The following GSAP variants were observed in gnomAD, a reference collection of about 807,000 sequenced individuals.
The protein encoded by GSAP is gamma-secretase-activating protein.
GSAP carries 118 observed loss-of-function variants against 131.7 expected under a neutral mutation model. That is an observed-to-expected ratio of 0.90 (90% confidence interval 0.77 to 1.04). The LOEUF is 1.04. Ranked by LOEUF, GSAP falls within the 50% of genes least tolerant of loss-of-function variation. The pLI is 0.00. For missense variants in GSAP, 1,019 were observed against 1,013.2 expected (o/e 1.01, Z -0.08); for synonymous variants, 381 against 363.4 (o/e 1.05, Z -0.55).
intron 1 of GSAP, among the ~76,000 whole-genome samples, chr7:77,414,711 C>G (rs1331728875): frequency 2.2e-4 from 33 of 152,164 alleles, no homozygotes. Context: ...TCTAACTTCT[C>G]ATTTGCAGAC....
At chr7:77,411,944 C>T (rs1356454272) in intron 1 of GSAP, among the ~76,000 whole-genome samples, 6 of 152,088 alleles carry the variant, frequency 3.9e-5, no homozygotes, top group Non-Finnish European at 8.8e-5. Context: ...TTTGGGAGGC[C>T]GAGGTAGGCC....
intron 12 of GSAP, among the ~76,000 whole-genome samples, chr7:77,367,843 G>A (rs888917023): frequency 2.0e-5 from 3 of 151,968 alleles, no homozygotes; most frequent in African/African-American, 4.8e-5. Flanking sequence ...AGCTTTTTTC[G>A]GTTGGTAGGT....
intron 6 of GSAP, among the ~76,000 whole-genome samples, chr7:77,386,665 T>C (rs1798616035): frequency 6.6e-6 from 1 of 152,164 alleles, no homozygotes; most frequent in African/African-American, 2.4e-5. Context: ...GCGCTATTCC[T>C]GGAAGCCGTT....
intron 5 of GSAP, among the ~76,000 whole-genome samples, chr7:77,390,733 C>T (rs1245887555): frequency 6.6e-6 from 1 of 151,208 alleles, no homozygotes; most frequent in African/African-American, 2.4e-5. Context: ...TGCACATGTA[C>T]CCTAAAACTT....
chr7:77,359,853 C>A (rs961148783), intron 14 of GSAP, among the ~76,000 whole-genome samples: 1 of 152,164 alleles, frequency 6.6e-6, no homozygotes, highest in African/African-American at 2.4e-5. Flanking sequence ...TAAAGCATTG[C>A]TGATAAGAAT....
In GSAP at chr7:77,320,566, G is replaced by A. The variant is rs774849403; in HGVS notation, c.2089+159C>T. Among the ~76,000 whole-genome samples the A allele has an allele frequency of 5.3e-5, 8 of 152,262 alleles. No individual in the cohort carries two copies. In the East Asian group the frequency reaches 9.6e-4, roughly 18 times the overall value. ...TTAGTAGTCAGAGGAGCTCTGGTCA[G>A]CAGAGACCAACCTAAGGGCCCATCA... On this transcript the variant is annotated intron_variant, in intron 26 of 30. Coordinates refer to ENST00000257626, the MANE Select transcript of GSAP (RefSeq NM_017439.4).
chr7:77,367,709 G>T (rs989461227), intron 12 of GSAP, among the ~76,000 whole-genome samples: 22 of 152,138 alleles, frequency 1.4e-4, no homozygotes, highest in Admixed American at 1.4e-3. Context: ...GATGATGCTG[G>T]CCTCATAGAA....
At position 77,314,508 on chromosome 7, in the gene GSAP, AG is replaced by A. The variant is rs2150583785; in HGVS notation, c.2090-20del. The A allele has an allele frequency of 6.2e-7, 1 of 1,613,176 alleles. No homozygotes were observed. Among genetic ancestry groups the A allele is most frequent in the African/African-American group, 1.3e-5 (1 of 74,984 alleles). On this transcript the variant is annotated intron_variant, in intron 26 of 30. Transcript: ENST00000257626. ...TGAAAACCTAGGATGAGAGATCTGG[AG>A]GGTAAACACAGTCAGCCAACATCTC... is the stretch of plus-strand genomic sequence containing the variant.
rs1291820120 is a variant in GSAP, at chr7:77,404,543, A to C, written c.243+16T>G. 7.2e-7 allele frequency: 1 copy of C among 1,384,532 alleles called. No individual in the cohort carries two copies. The highest frequency in any genetic ancestry group is 1.0e-6 in the Non-Finnish European group (1 of 974,108). 85.8% of individuals were successfully genotyped at this position (1,384,532 alleles called of 1,614,324 possible). A position where few individuals can be genotyped will look rare whatever the true frequency, so the allele number is the denominator to read the frequency against. ...AAAGGCAGTAAAGTAACCAATGAGT[A>C]ATCTATGATTTTTACCTCATTTTGT... On this transcript the variant is annotated intron_variant, in intron 3 of 30. Transcript: ENST00000257626.
intron 18 of GSAP, among the ~76,000 whole-genome samples, chr7:77,351,938 T>C (rs1792919562): frequency 6.6e-6 from 1 of 152,172 alleles, no homozygotes; most frequent in African/African-American, 2.4e-5. Flanking sequence ...TGCATGTCTA[T>C]TCACATGTGT....
intron 5 of GSAP, among the ~76,000 whole-genome samples, chr7:77,390,948 A>AG: frequency 1.8e-5 from 1 of 54,604 alleles, no homozygotes. Flanking sequence ...ACTCCGTCTA[A>AG]AAAAAAAAAA....
At chr7:77,390,668 G>A (rs1035797012) in intron 5 of GSAP, among the ~76,000 whole-genome samples, 2 of 151,930 alleles carry the variant, frequency 1.3e-5, no homozygotes, top group African/African-American at 4.8e-5. Context: ...ACGAGTTAAT[G>A]GGTGCAGCAC....
chr7:77,371,381 A>G (rs1796089866), intron 12 of GSAP, among the ~76,000 whole-genome samples: 2 of 151,316 alleles, frequency 1.3e-5, no homozygotes, highest in African/African-American at 4.9e-5. Flanking sequence ...TTAACTGCTC[A>G]TCTTCCCACT....
chr7:77,329,342 T>C lies in GSAP; in HGVS notation c.1724A>G (p.Asn575Ser). 1.3e-6 allele frequency: 2 copies of C among 1,569,738 alleles called. No homozygotes were observed. The highest frequency in any genetic ancestry group is 1.7e-6 in the Non-Finnish European group (2 of 1,151,502). The change falls in exon 21 of 31, where the codon AAT becomes AGT. Residue 575 changes from asparagine to serine, a missense_variant. Asn to Ser is a conservative substitution (Grantham distance 46). Transcript: ENST00000257626. ...CTCTGCTTTCACTTACTTTACTGCA[T>C]TATCAAGAATATTCCTCACGTATGC... ...SAAYVRNILD[N>S]AVKVISNLEA...
At chr7:77,390,472 G>A (rs1210289531) in intron 5 of GSAP, among the ~76,000 whole-genome samples, 2 of 152,120 alleles carry the variant, frequency 1.3e-5, no homozygotes, top group African/African-American at 4.8e-5. Flanking sequence ...TAAGGTGTAA[G>A]GAAGGGATCC....
chr7:77,324,331 G>C (rs952392391), intron 23 of GSAP, among the ~76,000 whole-genome samples: 1 of 151,952 alleles, frequency 6.6e-6, no homozygotes, highest in African/African-American at 2.4e-5. Context: ...ATCATCCTTG[G>C]GCCTCCCCAC....
intron 12 of GSAP, among the ~76,000 whole-genome samples, chr7:77,365,049 C>G (rs772426930): frequency 6.6e-6 from 1 of 152,180 alleles, no homozygotes; most frequent in South Asian, 2.1e-4. Context: ...TAGCCTTAAC[C>G]TCCCAGGCTC....
At chr7:77,414,148 A>C (rs1278138812) in intron 1 of GSAP, among the ~76,000 whole-genome samples, 2 of 152,224 alleles carry the variant, frequency 1.3e-5, no homozygotes, top group Non-Finnish European at 2.9e-5. Flanking sequence ...ACCTCTAAGA[A>C]AACTTCAATT....
intron 5 of GSAP, among the ~76,000 whole-genome samples, chr7:77,390,243 A>G (rs1435984535): frequency 6.6e-6 from 1 of 151,856 alleles, no homozygotes; most frequent in African/African-American, 2.4e-5. Context: ...TTGCCTGTTC[A>G]CTCTGATGGT....
Sources: gnomAD v4.1 joint callset for allele counts (sites outside exome capture counted in the v4.1 genomes callset) on GRCh38, gnomAD v4.1.1 for gene constraint, MANE v1.5 for transcripts, NCBI Gene and HGNC (gene_info 2026-07-23, HGNC 2026-07-21) for gene names.